MTMR12: variants seen among roughly 807,000 people sequenced by gnomAD.
MTMR12 encodes the protein myotubularin-related protein 12.
In MTMR12, 33 loss-of-function variants were observed where a neutral mutation model predicts 96.7. The observed-to-expected ratio is 0.34, with a 90% CI of 0.26 to 0.46. The LOEUF (loss-of-function observed/expected upper bound fraction) is 0.46, where lower values mean the gene tolerates loss of function less well. Among genes scored for constraint, MTMR12 ranks in the 20% least tolerant of loss-of-function variants. The probability of loss-of-function intolerance (pLI) is 1.00; values close to 1 mark genes in which losing one functional copy is unlikely to be tolerated. For synonymous variants in MTMR12, 298 were observed against 327.2 expected, an observed-to-expected ratio of 0.91 and a Z score of 0.96; for missense variants, 721 against 896.1, an observed-to-expected ratio of 0.80 and a Z score of 2.49.
At chr5:32,245,542 T>A (rs966633920) in intron 10 of MTMR12, among the ~76,000 whole-genome samples, 2 of 152,084 alleles carry the variant, frequency 1.3e-5, no homozygotes. Flanking sequence ...TAAAACACTC[T>A]TATGGCTGGG....
intron 1 of MTMR12, among the ~76,000 whole-genome samples, chr5:32,279,669 C>A (rs1164993683): frequency 6.6e-6 from 1 of 152,240 alleles, no homozygotes; most frequent in Admixed American, 6.5e-5. Context: ...ATTCCCCAAA[C>A]TTTTGGAGCT....
At chr5:32,297,194 T>C (rs1750963633) in intron 1 of MTMR12, among the ~76,000 whole-genome samples, 1 of 152,152 alleles carries the variant, frequency 6.6e-6, no homozygotes, top group Admixed American at 6.6e-5. Context: ...TGAAATGGTA[T>C]TCAGTATATT....
At chr5:32,230,984 G>A (rs1233935261) in intron 15 of MTMR12, among the ~76,000 whole-genome samples, 1 of 152,188 alleles carries the variant, frequency 6.6e-6, no homozygotes, top group Non-Finnish European at 1.5e-5. Flanking sequence ...AGACTTGTCT[G>A]GCAACCTGCA....
At chr5:32,255,933 T>G in intron 7 of MTMR12, 165 bp from the exon 8 acceptor site, 1 of 553,758 alleles carries the variant, frequency 1.8e-6, no homozygotes, top group East Asian at 3.4e-5. Flanking sequence ...CGGTGTGGCG[T>G]GAAGTACTCT....
rs539761269 is a variant in MTMR12 at position 32,251,376 on chromosome 5, A to G, written c.790-2498T>C. Among the ~76,000 whole-genome samples the G allele has an allele frequency of 5.9e-5, 9 of 152,344 alleles. No individual in the cohort carries two copies. In the East Asian group the frequency reaches 1.3e-3, roughly 23 times the overall value. Reference sequence around the variant, plus strand: ...TCTACAGTCTGAGGCAGAAGGCAGCATAAGCAGGAAAGGACCATGAAGGAG... The same window carrying G: ...TCTACAGTCTGAGGCAGAAGGCAGCGTAAGCAGGAAAGGACCATGAAGGAG... On this transcript the variant is annotated intron_variant, in intron 8 of 15. Coordinates refer to ENST00000382142, the MANE Select transcript of MTMR12 (RefSeq NM_001040446.3).
chr5:32,306,682 G>A (rs1751379716), intron 1 of MTMR12, among the ~76,000 whole-genome samples: 1 of 152,138 alleles, frequency 6.6e-6, no homozygotes, highest in Admixed American at 6.6e-5. Context: ...CTGGCTAGTA[G>A]GAGAGAGTTT....
In MTMR12 at chr5:32,279,412, C is replaced by T. The variant is rs150596169; in HGVS notation, c.82-2670G>A. 8.8e-3 allele frequency among the ~76,000 whole-genome samples: 1,340 copies of T among 151,960 alleles called. 16 individuals are homozygous for T. The highest frequency in any genetic ancestry group is 0.031 in the Middle Eastern group (9 of 292). The stretch of plus-strand genomic sequence containing the variant: ...TCCAGCCTGAGAAACAGAGCAAAAC[C>T]GTGTCTCAAAAAAAAAAGTTACTAA... On this transcript the variant is annotated intron_variant, in intron 1 of 15. Coordinates refer to ENST00000382142, the MANE Select transcript of MTMR12 (RefSeq NM_001040446.3).
intron 10 of MTMR12, among the ~76,000 whole-genome samples, chr5:32,246,441 A>G (rs115550119): frequency 0.023 from 3,570 of 152,258 alleles, 56 homozygotes; most frequent in African/African-American, 0.032. Flanking sequence ...GATTACAGGC[A>G]TGAGCCACTG....
intron 8 of MTMR12, among the ~76,000 whole-genome samples, chr5:32,249,378 T>C (rs1182367268): frequency 6.6e-6 from 1 of 152,084 alleles, no homozygotes; most frequent in African/African-American, 2.4e-5. Context: ...GTGTTGTATA[T>C]GGATGGCAAA....
At chr5:32,240,081 G>A (rs930216647) in intron 12 of MTMR12, among the ~76,000 whole-genome samples, 1 of 152,198 alleles carries the variant, frequency 6.6e-6, no homozygotes, top group African/African-American at 2.4e-5. Flanking sequence ...GATGGTGCTA[G>A]TATCATTGGT....
At chr5:32,278,815 C>G (rs192059613) in intron 1 of MTMR12, among the ~76,000 whole-genome samples, 101 of 152,230 alleles carry the variant, frequency 6.6e-4, no homozygotes, top group African/African-American at 2.3e-3. Context: ...TGGTGGCTCA[C>G]GCCTGTAATC....
At chr5:32,242,250 C>G (rs548168378) in intron 11 of MTMR12, 123 bp from the exon 12 acceptor site, 26 of 524,540 alleles carry the variant, frequency 5.0e-5, no homozygotes, top group Non-Finnish European at 9.8e-6. Flanking sequence ...TTTTTTTCCA[C>G]GCTAAAATCC....
At chr5:32,304,750 T>TCCATGTGGCAGC (rs1317473770) in intron 1 of MTMR12, among the ~76,000 whole-genome samples, 2 of 152,202 alleles carry the variant, frequency 1.3e-5, no homozygotes, top group Non-Finnish European at 2.9e-5. Flanking sequence ...ACAGTGGCTG[T>TCCATGTGGCAGC]CCATGTGGCA....
chr5:32,232,991 G>A (rs1452027971), intron 15 of MTMR12: 2 of 985,328 alleles, frequency 2.0e-6, no homozygotes, highest in Non-Finnish European at 2.4e-6. Context: ...TGGACTCTGT[G>A]GGGGAGAAAT....
At chr5:32,259,847 C>T (rs572710215) in intron 7 of MTMR12, among the ~76,000 whole-genome samples, 13 of 151,966 alleles carry the variant, frequency 8.6e-5, no homozygotes, top group Admixed American at 7.2e-4. Context: ...ACCAGCCTGG[C>T]CAACATGGTG....
chr5:32,270,903 A>G lies in MTMR12; in HGVS notation c.403T>C (p.Tyr135His). The change falls in exon 5 of 16, where the codon TAC (tyrosine) becomes CAC (histidine). Residue 135 changes from tyrosine to histidine, a missense_variant. Tyr to His is a moderately conservative substitution (Grantham distance 83). Coordinates refer to ENST00000382142, the MANE Select transcript of MTMR12 (RefSeq NM_001040446.3). The stretch of plus-strand genomic sequence containing the variant: ...CAGTGGATGATGAGCTTCTCAGGGT[A>G]TTTCTTCAGTTGTCCAAAGAGAGTT... ...KKTLFGQLKK[Y>H]PEKLIIHCKD... The G allele has an allele frequency of 6.2e-7, 1 of 1,613,994 alleles. No homozygotes were observed. Among genetic ancestry groups the G allele is most frequent in the Non-Finnish European group, 8.5e-7 (1 of 1,179,948 alleles).
intron 8 of MTMR12, among the ~76,000 whole-genome samples, chr5:32,250,320 G>T (rs1261866459): frequency 6.6e-6 from 1 of 152,194 alleles, no homozygotes; most frequent in Non-Finnish European, 1.5e-5. Flanking sequence ...GAGCTGATGA[G>T]CCCAGCCAGA....
At chr5:32,246,624 T>A (rs1430653977) in intron 10 of MTMR12, among the ~76,000 whole-genome samples, 1 of 152,246 alleles carries the variant, frequency 6.6e-6, no homozygotes, top group African/African-American at 2.4e-5. Context: ...AGTTTGCCAC[T>A]GCAGGCTTTA....
chr5:32,264,784 C>T (rs1749528515), intron 6 of MTMR12, among the ~76,000 whole-genome samples: 1 of 152,050 alleles, frequency 6.6e-6, no homozygotes, highest in African/African-American at 2.4e-5. Flanking sequence ...TAACTCAATC[C>T]TCACAACCCT....
Sources: gnomAD v4.1 joint callset for allele counts (sites outside exome capture counted in the v4.1 genomes callset) on GRCh38, gnomAD v4.1.1 for gene constraint, MANE v1.5 for transcripts, NCBI Gene and HGNC (gene_info 2026-07-23, HGNC 2026-07-21) for gene names.